The following SYNPR variants were observed in gnomAD, a reference collection of about 807,000 sequenced individuals.
SYNPR encodes synaptoporin.
In SYNPR, 23 loss-of-function variants were observed where a neutral mutation model predicts 32.9. The observed-to-expected ratio is 0.70, with a 90% CI of 0.50 to 0.99. The LOEUF (loss-of-function observed/expected upper bound fraction) is 0.99. SYNPR is among the 50% of genes least tolerant of loss of function. The probability of loss-of-function intolerance (pLI) is 0.00; values close to 1 mark genes in which losing one functional copy is unlikely to be tolerated. For missense variants in SYNPR, 318 were observed against 349.3 expected (o/e 0.91, Z 0.71); for synonymous variants, 146 against 135.9 (o/e 1.07, Z -0.52).
chr3:63,221,080 G>A, the SYNPR span, among the ~76,000 whole-genome samples: 115,467 of 152,094 alleles, frequency 0.76, 44,654 homozygotes, highest in Middle Eastern at 0.87. Context: ...TCAAGTACAA[G>A]GGAAGAAATG....
intron 5 of SYNPR, among the ~76,000 whole-genome samples, chr3:63,609,905 G>C (rs995461874): frequency 6.6e-6 from 1 of 152,094 alleles, no homozygotes; most frequent in Non-Finnish European, 1.5e-5. Context: ...GTGAGACTCG[G>C]TCTCAAAAAC....
chr3:63,475,315 C>G (rs1700879728), intron 2 of SYNPR, among the ~76,000 whole-genome samples: 1 of 152,070 alleles, frequency 6.6e-6, no homozygotes, highest in African/African-American at 2.4e-5. Context: ...TTTTGGTCTC[C>G]TGAACTCAAG....
intron 2 of SYNPR, among the ~76,000 whole-genome samples, chr3:63,377,031 A>G (rs1057250710): frequency 1.3e-5 from 2 of 152,074 alleles, no homozygotes; most frequent in African/African-American, 4.8e-5. Flanking sequence ...TCTCTCTTCA[A>G]CATCCCGTTT....
At chr3:63,376,039 T>A (rs577887536) in intron 2 of SYNPR, among the ~76,000 whole-genome samples, 33 of 152,190 alleles carry the variant, frequency 2.2e-4, no homozygotes, top group Non-Finnish European at 4.3e-4. Flanking sequence ...TTGGTTTCTC[T>A]TCTGTTTTCT....
At chr3:63,399,338 C>T (rs955955838) in intron 2 of SYNPR, among the ~76,000 whole-genome samples, 1 of 152,096 alleles carries the variant, frequency 6.6e-6, no homozygotes, top group East Asian at 1.9e-4. Context: ...TGGTACTGTG[C>T]CTGTATTCTT....
intron 5 of SYNPR, 27 bp downstream of exon 5, chr3:63,609,343 T>C (rs766269581): frequency 1.4e-6 from 2 of 1,458,384 alleles, no homozygotes; most frequent in Middle Eastern, 1.8e-4. Flanking sequence ...TATGCTTTAC[T>C]GTTCATATCT....
chr3:63,300,382 C>A (rs56680180), intron 2 of SYNPR, among the ~76,000 whole-genome samples: 18,887 of 151,630 alleles, frequency 0.12, 1,292 homozygotes, highest in Non-Finnish European at 0.16. Context: ...TAGGGTAGTG[C>A]CACATACTTT....
chr3:63,305,240 G>T (rs1489414901), intron 2 of SYNPR, among the ~76,000 whole-genome samples: 2 of 151,984 alleles, frequency 1.3e-5, no homozygotes, highest in African/African-American at 4.8e-5. Context: ...TGAGCCTGGG[G>T]GTGACTGTAG....
chr3:63,522,329 G>A (rs544144578), intron 3 of SYNPR, among the ~76,000 whole-genome samples: 1 of 152,256 alleles, frequency 6.6e-6, no homozygotes, highest in African/African-American at 2.4e-5. Flanking sequence ...TAGTCTGTGA[G>A]AAAAAGAACA....
At position 63,476,869 on chromosome 3, in the gene SYNPR, G is replaced by C. The variant is rs972111011; in HGVS notation, c.85-3963G>C. ...CATATCTAGCATTAAGCCCCATGGTGGGTGGGAAACTTCCTTATCCTTGTC... is the reference window on the plus strand; with the variant it reads ...CATATCTAGCATTAAGCCCCATGGTCGGTGGGAAACTTCCTTATCCTTGTC... On this transcript the variant is annotated intron_variant, in intron 2 of 5. Transcript: ENST00000478300. Among the ~76,000 whole-genome samples the C allele has an allele frequency of 2.0e-5, 3 of 152,182 alleles. No homozygotes were observed. The South Asian group carries it at 6.2e-4, about 32-fold the overall frequency.
chr3:63,285,898 T>C (rs2086675665), intron 2 of SYNPR, among the ~76,000 whole-genome samples: 1 of 152,186 alleles, frequency 6.6e-6, no homozygotes, highest in Non-Finnish European at 1.5e-5. Flanking sequence ...GTACCTACAC[T>C]GTGATAAGTG....
chr3:63,239,549 T>A (rs1329748984), intron 1 of SYNPR, among the ~76,000 whole-genome samples: 3 of 147,134 alleles, frequency 2.0e-5, no homozygotes, highest in African/African-American at 7.5e-5. Flanking sequence ...CATCCTACCA[T>A]TGTCACCAAT....
chr3:63,361,618 G>A (rs1483918343), intron 2 of SYNPR, among the ~76,000 whole-genome samples: 1 of 149,514 alleles, frequency 6.7e-6, no homozygotes, highest in East Asian at 2.0e-4. Flanking sequence ...AAAAAAAAAG[G>A]AGGGGGGGAT....
At chr3:63,342,502 C>T (rs2087383551) in intron 2 of SYNPR, among the ~76,000 whole-genome samples, 1 of 152,102 alleles carries the variant, frequency 6.6e-6, no homozygotes, top group South Asian at 2.1e-4. Flanking sequence ...TTTCTTACAT[C>T]ATTGGATTCA....
chr3:63,601,940 C>T (rs1009980231), intron 4 of SYNPR, among the ~76,000 whole-genome samples: 7 of 152,174 alleles, frequency 4.6e-5, no homozygotes, highest in African/African-American at 1.7e-4. Flanking sequence ...CTAGTTTACG[C>T]TCCTACCAAC....
At chr3:63,303,874 G>A (rs975497325) in intron 2 of SYNPR, among the ~76,000 whole-genome samples, 8 of 151,892 alleles carry the variant, frequency 5.3e-5, no homozygotes, top group Admixed American at 2.0e-4. Flanking sequence ...CCCATAGAGC[G>A]GAATGGTCCT....
At chr3:63,508,225 A>G (rs963732123) in intron 3 of SYNPR, among the ~76,000 whole-genome samples, 4 of 151,888 alleles carry the variant, frequency 2.6e-5, no homozygotes. Context: ...CTTGCTGTAG[A>G]CTCACCCTTC....
intron 2 of SYNPR, among the ~76,000 whole-genome samples, chr3:63,419,901 T>C (rs1340579434): frequency 6.6e-6 from 1 of 152,242 alleles, no homozygotes; most frequent in Admixed American, 6.5e-5. Context: ...TTGAAAGTAG[T>C]CTATTTGGTG....
At chr3:63,562,629 C>T (rs946465691) in intron 4 of SYNPR, among the ~76,000 whole-genome samples, 16 of 152,194 alleles carry the variant, frequency 1.1e-4, no homozygotes, top group African/African-American at 3.9e-4. Flanking sequence ...AGCCTCAAAA[C>T]AATCCTGGGA....
Sources: gnomAD v4.1 joint callset for allele counts (sites outside exome capture counted in the v4.1 genomes callset) on GRCh38, gnomAD v4.1.1 for gene constraint, MANE v1.5 for transcripts, NCBI Gene and HGNC (gene_info 2026-07-23, HGNC 2026-07-21) for gene names.